MEMO1: variants seen among roughly 807,000 people sequenced by gnomAD.
MEMO1 encodes mediator of cell motility 1, also known as protein MEMO1.
Under a neutral mutation model 45.2 loss-of-function variants are expected in MEMO1, and 6 were observed. The observed-to-expected ratio is 0.13, with a 90% CI of 0.07 to 0.26. The LOEUF is 0.26. Among genes scored for constraint, MEMO1 ranks in the 10% least tolerant of loss-of-function variants. The pLI is 1.00. For synonymous variants in MEMO1, 78 were observed against 124.3 expected, an observed-to-expected ratio of 0.63 and a Z score of 2.48; for missense variants, 184 against 370.5, an observed-to-expected ratio of 0.50 and a Z score of 4.13.
intron 6 of MEMO1, among the ~76,000 whole-genome samples, chr2:31,893,689 G>C (rs1677287197): frequency 6.6e-6 from 1 of 152,136 alleles, no homozygotes; most frequent in Non-Finnish European, 1.5e-5. Flanking sequence ...TCTGTAAAAT[G>C]ATCATAATTA....
chr2:31,917,284 G>A (rs927313581), intron 6 of MEMO1, among the ~76,000 whole-genome samples: 1 of 151,964 alleles, frequency 6.6e-6, no homozygotes, highest in African/African-American at 2.4e-5. Flanking sequence ...TAATCCAAAT[G>A]TTTCACTAAA....
At chr2:31,909,268 A>G (rs1353484650) in intron 6 of MEMO1, among the ~76,000 whole-genome samples, 1 of 152,258 alleles carries the variant, frequency 6.6e-6, no homozygotes, top group Non-Finnish European at 1.5e-5. Context: ...CAGAACAATT[A>G]GTCAAGAGAA....
rs535721174 is a variant in MEMO1, at chr2:31,956,900, T to C, written c.62-13517A>G. 3.3e-5 allele frequency among the ~76,000 whole-genome samples: 5 copies of C among 152,224 alleles called. 1 individual carries two copies. Among genetic ancestry groups the C allele is most frequent in the African/African-American group, 7.2e-5 (3 of 41,524 alleles). On this transcript the variant is annotated intron_variant, in intron 2 of 9. Transcript: ENST00000404530. ...GGCTCACGCCTCTAATCCCAGCACT[T>C]TGGGAGGCCGAGGCAGGCAGATCAC...
intron 6 of MEMO1, among the ~76,000 whole-genome samples, chr2:31,894,074 T>C (rs1275922165): frequency 2.0e-5 from 3 of 152,078 alleles, no homozygotes; most frequent in African/African-American, 7.2e-5. Flanking sequence ...AGTGAAGGAA[T>C]ACAAAATCTC....
At chr2:31,893,250 T>C (rs1376130128) in intron 6 of MEMO1, 2 of 959,614 alleles carry the variant, frequency 2.1e-6, no homozygotes, top group Non-Finnish European at 1.4e-6. Context: ...ACCCTGTCAA[T>C]TGCGAAATAA....
intron 2 of MEMO1, among the ~76,000 whole-genome samples, chr2:31,969,517 T>A (rs1043836988): frequency 6.6e-6 from 1 of 151,732 alleles, no homozygotes; most frequent in Non-Finnish European, 1.5e-5. Context: ...GATATTAGGA[T>A]AACAAGTGAC....
intron 2 of MEMO1, among the ~76,000 whole-genome samples, chr2:31,973,771 C>T (rs1669686874): frequency 1.3e-5 from 2 of 151,992 alleles, no homozygotes; most frequent in African/African-American, 4.8e-5. Context: ...ATAGGTAAAT[C>T]CATAGAAACA....
intron 6 of MEMO1, among the ~76,000 whole-genome samples, chr2:31,899,171 T>C (rs1048498069): frequency 1.3e-5 from 2 of 152,106 alleles, no homozygotes; most frequent in African/African-American, 4.8e-5. Context: ...CTTCACAGAA[T>C]TAGAAAAAAC....
intron 2 of MEMO1, among the ~76,000 whole-genome samples, chr2:31,958,330 T>C (rs1667632646): frequency 6.6e-6 from 1 of 151,662 alleles, no homozygotes; most frequent in Non-Finnish European, 1.5e-5. Context: ...CCCTTTGGAA[T>C]GAACTGCCTG....
At chr2:31,960,791 G>A (rs978132419) in intron 2 of MEMO1, among the ~76,000 whole-genome samples, 9 of 151,872 alleles carry the variant, frequency 5.9e-5, no homozygotes, top group Non-Finnish European at 1.5e-5. Flanking sequence ...TCCCCATGTT[G>A]GTCAGACTGC....
At chr2:31,989,724 A>G (rs1671710406) in intron 2 of MEMO1, among the ~76,000 whole-genome samples, 1 of 152,228 alleles carries the variant, frequency 6.6e-6, no homozygotes, top group Admixed American at 6.5e-5. Flanking sequence ...CTTATCAACT[A>G]TATCTCAATA....
rs182654648 is a variant in MEMO1 at position 31,927,992 on chromosome 2, A to G, written c.212+4075T>C. On this transcript the variant is annotated intron_variant, in intron 4 of 9. Coordinates refer to ENST00000404530, the MANE Select transcript of MEMO1 (RefSeq NM_001301833.4). ...ACCAATTTAGCAGCACAGGGCTAAAACCATGCCTGTTTTATTAATCACTGT... is the reference window on the plus strand; with the variant it reads ...ACCAATTTAGCAGCACAGGGCTAAAGCCATGCCTGTTTTATTAATCACTGT... Among the ~76,000 whole-genome samples the G allele has an allele frequency of 3.1e-3, 473 of 152,340 alleles. 2 individuals are homozygous for G. The highest frequency in any genetic ancestry group is 0.011 in the African/African-American group (446 of 41,576).
chr2:31,990,384 C>G (rs1430338695), intron 2 of MEMO1, among the ~76,000 whole-genome samples: 1 of 151,960 alleles, frequency 6.6e-6, no homozygotes, highest in Non-Finnish European at 1.5e-5. Context: ...TTTATTATTG[C>G]TATTTTTAAA....
At chr2:31,973,949 C>T (rs1019909048) in intron 2 of MEMO1, among the ~76,000 whole-genome samples, 3 of 152,036 alleles carry the variant, frequency 2.0e-5, no homozygotes, top group Non-Finnish European at 4.4e-5. Flanking sequence ...ATTATAATTG[C>T]TAATTTGTAT....
intron 7 of MEMO1, among the ~76,000 whole-genome samples, chr2:31,891,223 A>T (rs1443686799): frequency 6.6e-6 from 1 of 152,206 alleles, no homozygotes; most frequent in Non-Finnish European, 1.5e-5. Context: ...GGCATCTTAA[A>T]CCAATAAATT....
chr2:31,897,106 T>C (rs1677946705), intron 6 of MEMO1, among the ~76,000 whole-genome samples: 2 of 152,232 alleles, frequency 1.3e-5, no homozygotes, highest in South Asian at 2.1e-4. Context: ...GCTTATCAGC[T>C]TAAGGAGATT....
intron 6 of MEMO1, among the ~76,000 whole-genome samples, chr2:31,912,676 T>G (rs1248317757): frequency 2.6e-5 from 4 of 152,154 alleles, no homozygotes; most frequent in African/African-American, 9.7e-5. Flanking sequence ...ATCTCTTGTT[T>G]ATATATTTTA....
intron 4 of MEMO1, among the ~76,000 whole-genome samples, chr2:31,922,448 G>T (rs1682461081): frequency 6.6e-6 from 1 of 151,958 alleles, no homozygotes; most frequent in Non-Finnish European, 1.5e-5. Context: ...TCATCCACAG[G>T]CCATTTCTGG....
At chr2:31,932,463 G>A (rs1215835464) in intron 3 of MEMO1, among the ~76,000 whole-genome samples, 2 of 150,546 alleles carry the variant, frequency 1.3e-5, no homozygotes, top group African/African-American at 4.9e-5. Flanking sequence ...TTTTGAGACA[G>A]AGTCTCACTT....
Sources: allele counts gnomAD v4.1 joint callset (sites outside exome capture counted in the v4.1 genomes callset), GRCh38; gene constraint gnomAD v4.1.1; transcripts MANE v1.5; gene names NCBI Gene and HGNC (gene_info 2026-07-23, HGNC 2026-07-21).